Variants in CLVS1 observed in about 807,000 individuals in gnomAD.
CLVS1 encodes the protein clavesin-1.
CLVS1 carries 10 observed loss-of-function variants against 33.1 expected under a neutral mutation model. The observed-to-expected ratio is 0.30, with a 90% CI of 0.19 to 0.51. The LOEUF is 0.51. Ranked by LOEUF, CLVS1 falls within the 20% of genes least tolerant of loss-of-function variation. The probability of loss-of-function intolerance (pLI) is 0.97; values close to 1 mark genes in which losing one functional copy is unlikely to be tolerated. For missense variants in CLVS1, 343 were observed against 433.4 expected, an observed-to-expected ratio of 0.79 and a Z score of 1.85; for synonymous variants, 163 against 166.1, an observed-to-expected ratio of 0.98 and a Z score of 0.14.
At chr8:61,139,529 G>A (rs954611017) in intron 2 of CLVS1, among the ~76,000 whole-genome samples, 1 of 152,208 alleles carries the variant, frequency 6.6e-6, no homozygotes, top group Non-Finnish European at 1.5e-5. Context: ...CCAGCAGCGG[G>A]AGGGGCGTCA....
At chr8:61,059,072 G>A (rs1277920389) in intron 1 of CLVS1, among the ~76,000 whole-genome samples, 3 of 152,122 alleles carry the variant, frequency 2.0e-5, no homozygotes, top group African/African-American at 4.8e-5. Flanking sequence ...GGGGTAGAAA[G>A]CCTGGGTCAA....
chr8:61,336,540 C>A (rs1811813319), intron 2 of CLVS1, among the ~76,000 whole-genome samples: 1 of 152,060 alleles, frequency 6.6e-6, no homozygotes, highest in Non-Finnish European at 1.5e-5. Flanking sequence ...CAGAACCCTC[C>A]CTGGTACTGG....
chr8:61,118,021 A>G (rs1805768462), intron 1 of CLVS1, among the ~76,000 whole-genome samples: 1 of 152,260 alleles, frequency 6.6e-6, no homozygotes, highest in African/African-American at 2.4e-5. Context: ...TTTGGTTGGT[A>G]AGCTATGGAT....
rs116358883 is a variant in CLVS1, at chr8:61,135,321, T to A, written c.-152+3461T>A. Reference sequence around the variant, plus strand: ...CTGTGACTTGTCTGGGGAACAAGAGTGGAGCACTTGATTTAGGCCTATCCA... The same window carrying A: ...CTGTGACTTGTCTGGGGAACAAGAGAGGAGCACTTGATTTAGGCCTATCCA... On this transcript the variant is annotated intron_variant, in intron 2 of 2. Transcript: ENST00000522621. Among the ~76,000 whole-genome samples, 1,152 of 151,924 alleles carry A rather than the reference T, an allele frequency of 7.6e-3. 8 individuals carry two copies. The highest frequency in any genetic ancestry group is 0.026 in the African/African-American group (1,088 of 41,424).
At chr8:61,147,628 AC>A (rs1806446139) in intron 2 of CLVS1, among the ~76,000 whole-genome samples, 2 of 152,216 alleles carry the variant, frequency 1.3e-5, no homozygotes, top group African/African-American at 4.8e-5. Context: ...GGTATGAAAA[AC>A]AAAAGTAACA....
intron 1 of CLVS1, among the ~76,000 whole-genome samples, chr8:61,097,797 G>T (rs1187426400): frequency 6.6e-6 from 1 of 152,168 alleles, no homozygotes; most frequent in East Asian, 1.9e-4. Context: ...AGCAGTATTT[G>T]TGCTTTGACT....
chr8:61,151,951 C>T (rs1308770883), intron 2 of CLVS1, among the ~76,000 whole-genome samples: 1 of 152,152 alleles, frequency 6.6e-6, no homozygotes, highest in Non-Finnish European at 1.5e-5. Context: ...AACATCCTAA[C>T]CTTTGCTCTT....
At chr8:61,178,571 G>GA (rs1807164007) in intron 2 of CLVS1, among the ~76,000 whole-genome samples, 2 of 152,082 alleles carry the variant, frequency 1.3e-5, no homozygotes, top group Non-Finnish European at 2.9e-5. Context: ...TGAAATGAAG[G>GA]AAAAAATGTT....
chr8:61,035,171 T>C, the CLVS1 span, among the ~76,000 whole-genome samples: 1 of 128,150 alleles, frequency 7.8e-6, no homozygotes, highest in African/African-American at 3.0e-5. Flanking sequence ...CTTTCTTTTC[T>C]TTTCTTTTCT....
intron 3 of CLVS1, among the ~76,000 whole-genome samples, chr8:61,427,709 AT>A (rs1815946371): frequency 2.0e-5 from 3 of 152,254 alleles, no homozygotes; most frequent in African/African-American, 7.2e-5. Flanking sequence ...AGGTTAAGTT[AT>A]TTGACCCAAA....
At chr8:61,149,569 C>CAAAAAAAAAAAAAAAAAA (rs1212944878) in intron 2 of CLVS1, among the ~76,000 whole-genome samples, 2 of 120,272 alleles carry the variant, frequency 1.7e-5, no homozygotes, top group Non-Finnish European at 1.7e-5. Context: ...AAAAAAAAAA[C>CAAAAAAAAAAAAAAAAAA]AAAAAACAAA....
At chr8:61,152,674 GC>G (rs1806564565) in intron 2 of CLVS1, among the ~76,000 whole-genome samples, 1 of 152,160 alleles carries the variant, frequency 6.6e-6, no homozygotes, top group Non-Finnish European at 1.5e-5. Flanking sequence ...TCAGGGCATA[GC>G]ACCTCTCAAA....
At chr8:61,033,527 G>A in the CLVS1 span, among the ~76,000 whole-genome samples, 6 of 152,184 alleles carry the variant, frequency 3.9e-5, no homozygotes, top group East Asian at 1.9e-4. Context: ...TACTGGGTGA[G>A]GGGGGAAACC....
In CLVS1 at chr8:61,436,344, A is replaced by G. The variant is rs139230151; in HGVS notation, c.631-17797A>G. On this transcript the variant is annotated intron_variant, in intron 3 of 5. Coordinates refer to ENST00000325897, the MANE Select transcript of CLVS1 (RefSeq NM_173519.3). ...CTTTTACTGTAAAAGTCATCAAAAT[A>G]TTTAGCTGCACTTGCCATCTTGTAT... Among the ~76,000 whole-genome samples the G allele has an allele frequency of 1.8e-4, 27 of 152,236 alleles. No homozygotes were observed. In the East Asian group the frequency reaches 5.2e-3, roughly 29 times the overall value.
intron 2 of CLVS1, among the ~76,000 whole-genome samples, chr8:61,160,080 A>G (rs1039528205): frequency 2.0e-5 from 3 of 152,154 alleles, no homozygotes; most frequent in Admixed American, 1.3e-4. Flanking sequence ...CTGCATTTCC[A>G]TTTCTTCTCT....
chr8:61,309,493 T>C (rs1423718242), intron 2 of CLVS1, among the ~76,000 whole-genome samples: 1 of 152,214 alleles, frequency 6.6e-6, no homozygotes, highest in African/African-American at 2.4e-5. Flanking sequence ...TACTAGGATA[T>C]TTGACCTTCT....
the CLVS1 span, among the ~76,000 whole-genome samples, chr8:61,005,328 T>G: frequency 2.0e-5 from 3 of 151,512 alleles, no homozygotes; most frequent in African/African-American, 7.3e-5. Context: ...TTCTCTCATA[T>G]GGGTGCGAAT....
At chr8:61,131,930 G>C (rs1323507950) in intron 2 of CLVS1, 1 of 152,200 alleles carries the variant, frequency 6.6e-6, no homozygotes, top group Non-Finnish European at 1.5e-5. Flanking sequence ...CCTGAAGCTG[G>C]CTATTAATGG....
rs373676215 is a variant in CLVS1 at position 61,184,330 on chromosome 8, A to G, written c.-152+52470A>G. ...AAAGTGAGCATTTGTGCAGATATCAACTTTCCAAAGGCTTAATCCTGTCAG... is the reference window on the plus strand; with the variant it reads ...AAAGTGAGCATTTGTGCAGATATCAGCTTTCCAAAGGCTTAATCCTGTCAG... On this transcript the variant is annotated intron_variant, in intron 2 of 2. Coordinates refer to the CLVS1 transcript ENST00000522621. Among the ~76,000 whole-genome samples the G allele has an allele frequency of 2.6e-5, 4 of 152,318 alleles. No individual in the cohort carries two copies. In the South Asian group the frequency reaches 8.3e-4, roughly 32 times the overall value.
Sources: allele counts gnomAD v4.1 joint callset (sites outside exome capture counted in the v4.1 genomes callset), GRCh38; gene constraint gnomAD v4.1.1; transcripts MANE v1.5; gene names NCBI Gene and HGNC (gene_info 2026-07-23, HGNC 2026-07-21).